PLEKHG4: variants seen among roughly 807,000 people sequenced by gnomAD.
PLEKHG4 encodes puratrophin-1.
A neutral mutation model predicts 136.9 loss-of-function variants in PLEKHG4; 85 were observed. The observed-to-expected ratio is 0.62, with a 90% CI of 0.52 to 0.74. PLEKHG4 has a LOEUF of 0.74. Ranked by LOEUF, PLEKHG4 falls within the 30% of genes least tolerant of loss-of-function variation. The probability of loss-of-function intolerance (pLI) is 0.00; values close to 1 mark genes in which losing one functional copy is unlikely to be tolerated. For missense variants in PLEKHG4, 1,317 were observed against 1,527.8 expected (o/e 0.86, Z 2.30); for synonymous variants, 577 against 646.9 (o/e 0.89, Z 1.64).
chr16:67,288,547 T>C lies in PLEKHG4; in HGVS notation c.3513T>C (p.Ser1171=), dbSNP rs972350337. 1.9e-6 allele frequency: 3 copies of C among 1,613,966 alleles called. No homozygotes were observed. The highest frequency in any genetic ancestry group is 8.5e-7 in the Non-Finnish European group (1 of 1,179,782). The change falls in exon 21 of 22, where the codon TCT becomes TCC. Residue 1171 remains serine, a synonymous_variant. Coordinates refer to ENST00000379344, the MANE Select transcript of PLEKHG4 (RefSeq NM_001129729.3). ...CATCAGCCAGTGGCTCCAGTGGCTC[T>C]GACAGCAGCTGTGTGTCAGGGCAGG... is the stretch of plus-strand genomic sequence containing the variant. The part of the protein sequence containing the change: ...QCPSASGSSG[S]DSSCVSGQAL...
chr16:67,282,984 C>T (rs1014466912), intron 11 of PLEKHG4, 126 bp downstream of exon 11: 51 of 750,000 alleles, frequency 6.8e-5, no homozygotes, highest in Non-Finnish European at 1.1e-4. Context: ...TAGAAGATAT[C>T]AGTTGTAATT....
At position 67,280,931 on chromosome 16, in the gene PLEKHG4, C is replaced by T. The variant is rs1034879954; in HGVS notation, c.645C>T (p.Ser215=). The change falls in exon 4 of 22, where the codon AGC becomes AGT. Residue 215 remains serine (S), a synonymous_variant. Transcript: ENST00000379344. The surrounding 1 kb of genome is among the most constrained non-coding windows in gnomAD (Gnocchi z 4.4). The part of the protein sequence containing the change: ...GRAVLLLCAH[S]PAWLQSECSS... ...CAGTGCTGCTTCTGTGTGCCCACAGCCCAGCCTGGCTTCAGTCTGAGTGCA... is the reference window on the plus strand; with the variant it reads ...CAGTGCTGCTTCTGTGTGCCCACAGTCCAGCCTGGCTTCAGTCTGAGTGCA... 56 of 1,613,080 alleles carry T rather than the reference C, an allele frequency of 3.5e-5. No individual in the cohort carries two copies. The highest frequency in any genetic ancestry group is 4.7e-5 in the Non-Finnish European group (56 of 1,180,022).
chr16:67,281,307 T>A, intron 5 of PLEKHG4, 123 bp downstream of exon 5: 1 of 794,576 alleles, frequency 1.3e-6, no homozygotes, highest in Non-Finnish European at 2.1e-6. Context: ...CACTGCAAAC[T>A]CTATCTCCCC....
At chr16:67,286,248 TG>T in intron 14 of PLEKHG4, 25 bp from the exon 15 acceptor site, 1 of 1,566,684 alleles carries the variant, frequency 6.4e-7, no homozygotes, top group Non-Finnish European at 8.8e-7. Context: ...CCCTTTGCAC[TG>T]GGGCTGAGCC....
At position 67,286,923 on chromosome 16, in the gene PLEKHG4, G is replaced by A. The variant is rs1299791621; in HGVS notation, c.2925+4G>A. The A allele has an allele frequency of 3.7e-6, 6 of 1,613,700 alleles. No homozygotes were observed. In the East Asian group the frequency reaches 1.1e-4, roughly 30 times the overall value. On this transcript the variant is annotated splice_donor_region_variant and intron_variant, in intron 17 of 21. Coordinates refer to ENST00000379344, the MANE Select transcript of PLEKHG4 (RefSeq NM_001129729.3). ...TGCCTACAAGCGCTCCTTCAAGGTA[G>A]GCCTGCCCACCCCAGGCCCCACCAC...
rs752775907 is a variant in PLEKHG4 at position 67,286,960 on chromosome 16, C to T, written c.2926-40C>T. ...CCAGGCCCCACCACTTGTTTTCCCG[C>T]CCCATGCCTTACCAAGCCCCTCTCT... On this transcript the variant is annotated intron_variant, in intron 17 of 21. Transcript: ENST00000379344. 6.2e-6 allele frequency: 10 copies of T among 1,612,850 alleles called. No homozygotes were observed. The South Asian group carries it at 1.1e-4, about 18-fold the overall frequency.
At position 67,280,280 on chromosome 16, in the gene PLEKHG4, C is replaced by G; in HGVS notation, c.236C>G (p.Ser79Trp). The G allele has an allele frequency of 6.2e-7, 1 of 1,613,784 alleles. No individual in the cohort carries two copies. The highest frequency in any genetic ancestry group is 8.5e-7 in the Non-Finnish European group (1 of 1,179,996). ...CAGTTACCCCCAGCTGCAGATGAGT[C>G]GGGGGATGCCCAGAGGGGCACAGTA... ...KFQLPPAADE[S>W]GDAQRGTVES... The change falls in exon 2 of 22, where the codon TCG becomes TGG. Residue 79 changes from serine to tryptophan, a missense_variant. Transcript: ENST00000379344. The surrounding 1 kb of genome is among the most constrained non-coding windows in gnomAD (Gnocchi z 4.4).
At position 67,281,650 on chromosome 16, in the gene PLEKHG4, A is replaced by G; in HGVS notation, c.891+6A>G. The G allele has an allele frequency of 6.2e-7, 1 of 1,613,684 alleles. No homozygotes were observed. Among genetic ancestry groups the G allele is most frequent in the African/African-American group, 1.3e-5 (1 of 75,056 alleles). On this transcript the variant is annotated splice_donor_region_variant and intron_variant, in intron 6 of 21. Transcript: ENST00000379344. Reference sequence around the variant, plus strand: ...AAGTGCCTTCCGGGCTGCAGGTACTAAGCCCAGTTGGCTAGGGGTAGAGGT... The same window carrying G: ...AAGTGCCTTCCGGGCTGCAGGTACTGAGCCCAGTTGGCTAGGGGTAGAGGT...
At position 67,281,085 on chromosome 16, in the gene PLEKHG4, C is replaced by G; in HGVS notation, c.720-6C>G. The stretch of plus-strand genomic sequence containing the variant: ...TCAGGTACTGAACTGAAGCTCACCC[C>G]TTTAGGCCCGAAGTACAGGCACTGG... On this transcript the variant is annotated splice_polypyrimidine_tract_variant and splice_region_variant and intron_variant, in intron 4 of 21. Transcript: ENST00000379344. The G allele has an allele frequency of 6.2e-7, 1 of 1,614,090 alleles. No homozygotes were observed. Among genetic ancestry groups the G allele is most frequent in the Non-Finnish European group, 8.5e-7 (1 of 1,179,960 alleles).
rs540495984 is a variant in PLEKHG4 at position 67,284,885 on chromosome 16, G to A, written c.1865G>A (p.Arg622His). ...LATGLGSEAI[R>H]QECRWAWARC... ...ACGGGGCTGGGCTCAGAGGCCATCCGCCAGGAGTGCCGCTGGGCCTGGGCG... is the reference window on the plus strand; with the variant it reads ...ACGGGGCTGGGCTCAGAGGCCATCCACCAGGAGTGCCGCTGGGCCTGGGCG... Residue 622 changes from arginine (R) to histidine (H), a missense_variant, in exon 13 of 22, where the codon CGC becomes CAC. Arg to His is a conservative substitution (Grantham distance 29, BLOSUM62 0). Transcript: ENST00000379344. The surrounding 1 kb of genome is among the most constrained non-coding windows in gnomAD (Gnocchi z 4.4). 2.4e-5 allele frequency: 38 copies of A among 1,612,556 alleles called. No individual in the cohort carries two copies. The African/African-American group carries it at 3.7e-4, about 16-fold the overall frequency.
Position 67,287,162 on chromosome 16 carries a change from G to T in PLEKHG4, c.3088G>T (p.Ala1030Ser), listed in dbSNP as rs1328078944. 6.2e-7 allele frequency: 1 copy of T among 1,608,362 alleles called. No homozygotes were observed. Among genetic ancestry groups the T allele is most frequent in the Non-Finnish European group, 8.5e-7 (1 of 1,180,010 alleles). ...ADISHLLWRQ[A>S]VHNKEVRMAE... ...CATCTCCCACCTGCTTTGGAGGCAGGCCGTCCACAACAAGGGTGGGTCCAT... is the reference window on the plus strand; with the variant it reads ...CATCTCCCACCTGCTTTGGAGGCAGTCCGTCCACAACAAGGGTGGGTCCAT... The change falls in exon 18 of 22, where the codon GCC (alanine) becomes TCC (serine). Residue 1030 changes from alanine to serine, a missense_variant. By Grantham distance (99) the Ala-to-Ser change is moderately conservative. Coordinates refer to ENST00000379344, the MANE Select transcript of PLEKHG4 (RefSeq NM_001129729.3).
chr16:67,277,655 A>C (rs1398335199), upstream of PLEKHG4: 2 of 152,378 alleles, frequency 1.3e-5, no homozygotes, highest in Non-Finnish European at 2.9e-5. Context: ...TTTCAGGCTG[A>C]GTCTCTGAAT....
At chr16:67,287,317 T>G (rs2036523005) in intron 18 of PLEKHG4, 140 bp downstream of exon 18, 1 of 857,438 alleles carries the variant, frequency 1.2e-6, no homozygotes, top group Non-Finnish European at 1.9e-6. Flanking sequence ...AGAAAGGATT[T>G]CAAAGCCAGG....
chr16:67,288,932 T>C lies in PLEKHG4; in HGVS notation c.*124T>C. The C allele has an allele frequency of 9.4e-7, 1 of 1,059,536 alleles. No homozygotes were observed. The highest frequency in any genetic ancestry group is 2.0e-4 in the Middle Eastern group (1 of 5,012). The allele number at this position is 1,059,536 out of a possible 1,614,324, so 65.6% of individuals were successfully genotyped here. A position where few individuals can be genotyped will look rare whatever the true frequency, so the allele number is the denominator to read the frequency against. ...TACCTCCAACCTACATGTGCAACGC[T>C]GTTGACTACCCTTTCTGATGTGTGT... On this transcript the variant is annotated 3_prime_UTR_variant, in exon 22 of 22. Transcript: ENST00000379344.
Position 67,284,672 on chromosome 16 carries a change from C to T in PLEKHG4, c.1693-41C>T, listed in dbSNP as rs1242255132. 7 of 1,608,330 alleles carry T rather than the reference C, an allele frequency of 4.4e-6. No homozygotes were observed. Among genetic ancestry groups the T allele is most frequent in the Non-Finnish European group, 5.9e-6 (7 of 1,178,300 alleles). ...GGAGCAGAGTGCCCAGCAGGCTTGG[C>T]AGGATCTTCCTCTAATGCTTGTCCG... On this transcript the variant is annotated intron_variant, in intron 12 of 21. Coordinates refer to ENST00000379344, the MANE Select transcript of PLEKHG4 (RefSeq NM_001129729.3). The surrounding 1 kb of genome is among the most constrained non-coding windows in gnomAD (Gnocchi z 4.4).
chr16:67,282,156 TTC>T, intron 8 of PLEKHG4, 43 bp from the exon 9 acceptor site: 1 of 1,596,500 alleles, frequency 6.3e-7, no homozygotes, highest in South Asian at 1.1e-5. Context: ...GTCTCCCTCC[TTC>T]TCTCCCATGG....
Position 67,286,934 on chromosome 16 carries a change from C to T in PLEKHG4, c.2925+15C>T, listed in dbSNP as rs1403344339. The T allele has an allele frequency of 1.2e-6, 2 of 1,613,244 alleles. No individual in the cohort carries two copies. The highest frequency in any genetic ancestry group is 1.7e-5 in the Admixed American group (1 of 60,034). The stretch of plus-strand genomic sequence containing the variant: ...GCTCCTTCAAGGTAGGCCTGCCCAC[C>T]CCAGGCCCCACCACTTGTTTTCCCG... On this transcript the variant is annotated intron_variant, in intron 17 of 21. Transcript: ENST00000379344.
In PLEKHG4 at chr16:67,281,639, C is replaced by T; in HGVS notation, c.886C>T (p.Leu296=). 6.2e-7 allele frequency: 1 copy of T among 1,614,004 alleles called. No individual in the cohort carries two copies. The change falls in exon 6 of 22, where the codon CTG becomes TTG. Residue 296 remains leucine (L), a synonymous_variant. Transcript: ENST00000379344. ...GCTGCTGAAGGAAGTGCCTTCCGGG[C>T]TGCAGGTACTAAGCCCAGTTGGCTA... is the stretch of plus-strand genomic sequence containing the variant. ...STLLKEVPSG[L]QLEQLPSQSL...
upstream of PLEKHG4, chr16:67,279,516 C>T (rs1344608507): frequency 6.6e-6 from 1 of 151,982 alleles, no homozygotes; most frequent in African/African-American, 2.4e-5. Flanking sequence ...TCCCAGCGGC[C>T]AGGAGGCGGT....
Sources: allele counts gnomAD v4.1 joint callset, GRCh38; gene constraint gnomAD v4.1.1; non-coding constraint Gnocchi (gnomAD v3.1); transcripts MANE v1.5; gene names NCBI Gene and HGNC (gene_info 2026-07-23, HGNC 2026-07-21).